The following XIRP2 variants were observed in gnomAD, a reference collection of about 807,000 sequenced individuals.
The protein encoded by XIRP2 is xin actin-binding repeat-containing protein 2.
Under a neutral mutation model 277.0 loss-of-function variants are expected in XIRP2, and 236 were observed. The observed-to-expected ratio is 0.85, with a 90% CI of 0.77 to 0.95. The LOEUF is 0.95. Among genes scored for constraint, XIRP2 ranks in the 40% least tolerant of loss-of-function variants. XIRP2 has a pLI of 0.00. For missense variants in XIRP2, 4,640 were observed against 4,157.5 expected (o/e 1.12, Z -3.19); for synonymous variants, 1,490 against 1,416.5 (o/e 1.05, Z -1.17).
chr2:166,996,040 T>C (rs1687212494), intron 2 of XIRP2, among the ~76,000 whole-genome samples: 1 of 152,196 alleles, frequency 6.6e-6, no homozygotes, highest in South Asian at 2.1e-4. Context: ...ATGACCAAGG[T>C]ACCAATCACT....
intron 2 of XIRP2, among the ~76,000 whole-genome samples, chr2:166,985,631 C>T (rs557952459): frequency 6.6e-6 from 1 of 151,930 alleles, no homozygotes; most frequent in African/African-American, 2.4e-5. Context: ...AGGGTTTCAC[C>T]GTATTAGCCA....
chr2:167,027,781 T>C (rs557119547), intron 2 of XIRP2, among the ~76,000 whole-genome samples: 1 of 152,188 alleles, frequency 6.6e-6, no homozygotes, highest in South Asian at 2.1e-4. Context: ...CTCCAGACCC[T>C]ATAAACAGGT....
chr2:167,232,812 G>A (rs918007998), intron 5 of XIRP2, among the ~76,000 whole-genome samples: 2 of 151,808 alleles, frequency 1.3e-5, no homozygotes, highest in East Asian at 3.9e-4. Context: ...AGAAAAGTGA[G>A]CAAATGTGAT....
At chr2:166,901,370 A>G (rs1188231516) in intron 1 of XIRP2, among the ~76,000 whole-genome samples, 1 of 151,996 alleles carries the variant, frequency 6.6e-6, no homozygotes, top group African/African-American at 2.4e-5. Context: ...CATGTGTCCA[A>G]TTTCTAGGGG....
chr2:167,011,056 C>A lies in XIRP2; in HGVS notation c.408+107166C>A, dbSNP rs1471779218. On this transcript the variant is annotated intron_variant, in intron 2 of 10. Transcript: ENST00000409195. ...ACTTCCTCTTTTCCTAATTGAATACCCTTTATTTCCTTCTCCTGCCTAATT... is the reference window on the plus strand; with the variant it reads ...ACTTCCTCTTTTCCTAATTGAATACACTTTATTTCCTTCTCCTGCCTAATT... 2.0e-5 allele frequency among the ~76,000 whole-genome samples: 3 copies of A among 151,780 alleles called. No individual in the cohort carries two copies. In the East Asian group the frequency reaches 5.8e-4, roughly 29 times the overall value.
At chr2:167,234,305 A>G (rs947003215) in intron 5 of XIRP2, among the ~76,000 whole-genome samples, 5 of 151,596 alleles carry the variant, frequency 3.3e-5, no homozygotes, top group African/African-American at 9.6e-5. Context: ...TTTATGCAAT[A>G]TATCTGCATA....
At chr2:167,032,312 A>G (rs951938627) in intron 2 of XIRP2, among the ~76,000 whole-genome samples, 3 of 152,200 alleles carry the variant, frequency 2.0e-5, no homozygotes, top group Admixed American at 2.0e-4. Context: ...GGTGGATTAA[A>G]GACTTAAACA....
At position 167,201,408 on chromosome 2, in the gene XIRP2, C is replaced by T. The variant is rs181606807; in HGVS notation, c.563-9327C>T. Among the ~76,000 whole-genome samples, 189 of 138,084 alleles carry T rather than the reference C, an allele frequency of 1.4e-3. 5 individuals are homozygous for T. Among genetic ancestry groups the T allele is most frequent in the African/African-American group, 5.6e-3 (182 of 32,288 alleles). The allele number at this position is 138,084 out of a possible 152,430, so 90.6% of individuals were successfully genotyped here. ...CGGTACCATATACCTTCAGTATATA[C>T]CTGTGATGCGGATTTAGACAAGGGG... On this transcript the variant is annotated intron_variant, in intron 3 of 10. Transcript: ENST00000409195.
chr2:167,067,653 C>T (rs193064697), intron 2 of XIRP2, among the ~76,000 whole-genome samples: 189 of 152,156 alleles, frequency 1.2e-3, no homozygotes, highest in East Asian at 7.7e-3. Flanking sequence ...AAAATGCAGA[C>T]GCAGAGATCC....
chr2:167,103,758 G>T (rs912765392), intron 2 of XIRP2, among the ~76,000 whole-genome samples: 1 of 152,094 alleles, frequency 6.6e-6, no homozygotes. Flanking sequence ...TCAAACGCTA[G>T]CTGGTATGTC....
chr2:167,154,020 C>T (rs1473974548), intron 3 of XIRP2, among the ~76,000 whole-genome samples: 3 of 149,822 alleles, frequency 2.0e-5, no homozygotes, highest in East Asian at 2.0e-4. Flanking sequence ...TTTACAGTCC[C>T]ACCAACAGTG....
At chr2:167,017,313 G>C (rs1174777852) in intron 2 of XIRP2, among the ~76,000 whole-genome samples, 1 of 151,852 alleles carries the variant, frequency 6.6e-6, no homozygotes, top group African/African-American at 2.4e-5. Context: ...TGATTTATGT[G>C]GTTGCATAAC....
intron 2 of XIRP2, among the ~76,000 whole-genome samples, chr2:167,063,519 G>A (rs1444925937): frequency 1.3e-5 from 2 of 151,800 alleles, no homozygotes; most frequent in Non-Finnish European, 2.9e-5. Flanking sequence ...AGCTACAATT[G>A]CAGGATTATT....
intron 2 of XIRP2, among the ~76,000 whole-genome samples, chr2:167,071,276 T>C (rs1006603194): frequency 6.6e-6 from 1 of 152,214 alleles, no homozygotes; most frequent in East Asian, 1.9e-4. Context: ...ATAAAACTGA[T>C]GTGAATGGCA....
chr2:167,031,584 G>C (rs1441887936), intron 2 of XIRP2, among the ~76,000 whole-genome samples: 1 of 152,058 alleles, frequency 6.6e-6, no homozygotes, highest in Non-Finnish European at 1.5e-5. Flanking sequence ...AACTCCTTAA[G>C]CTGATAAGCA....
intron 5 of XIRP2, among the ~76,000 whole-genome samples, chr2:167,225,113 C>A (rs1410146773): frequency 2.0e-5 from 3 of 152,174 alleles, no homozygotes; most frequent in East Asian, 1.9e-4. Flanking sequence ...TATGTTGGAG[C>A]CTCACAATAA....
At chr2:167,082,668 G>C (rs1271748067) in intron 2 of XIRP2, among the ~76,000 whole-genome samples, 1 of 152,154 alleles carries the variant, frequency 6.6e-6, no homozygotes, top group Non-Finnish European at 1.5e-5. Context: ...TCTCATTGTG[G>C]TTTTGATTTG....
At chr2:167,239,530 C>G (rs1362597157) in intron 5 of XIRP2, among the ~76,000 whole-genome samples, 1 of 152,118 alleles carries the variant, frequency 6.6e-6, no homozygotes. Flanking sequence ...GCTGTTAGCC[C>G]AGGGAAGTGG....
intron 3 of XIRP2, among the ~76,000 whole-genome samples, chr2:167,155,396 C>A (rs1376409501): frequency 6.6e-6 from 1 of 151,532 alleles, no homozygotes; most frequent in Non-Finnish European, 1.5e-5. Flanking sequence ...ACCTTATCCA[C>A]CATGATCAAG....
Sources: allele counts gnomAD v4.1 joint callset (sites outside exome capture counted in the v4.1 genomes callset), GRCh38; gene constraint gnomAD v4.1.1; transcripts MANE v1.5; gene names NCBI Gene and HGNC (gene_info 2026-07-23, HGNC 2026-07-21).